The following COX7B2 variants were observed in gnomAD, a reference collection of about 807,000 sequenced individuals.
COX7B2 encodes cytochrome c oxidase subunit 7B2, also known as cytochrome c oxidase subunit 7B2, mitochondrial.
For synonymous variants in COX7B2, 37 were observed against 32.1 expected, an observed-to-expected ratio of 1.15 and a Z score of -0.51; for missense variants, 109 against 95.9, an observed-to-expected ratio of 1.14 and a Z score of -0.57.
At chr4:46,890,773 A>C (rs1253345337) in intron 1 of COX7B2, among the ~76,000 whole-genome samples, 3 of 152,222 alleles carry the variant, frequency 2.0e-5, no homozygotes, top group Non-Finnish European at 4.4e-5. Flanking sequence ...CAGTGAGGAA[A>C]GATACAGTAG....
chr4:46,805,575 G>A (rs769637056), intron 2 of COX7B2, among the ~76,000 whole-genome samples: 2 of 152,018 alleles, frequency 1.3e-5, no homozygotes, highest in African/African-American at 4.8e-5. Context: ...AAATTTATAT[G>A]GATAACAAAT....
intron 2 of COX7B2, among the ~76,000 whole-genome samples, chr4:46,750,229 C>CACACAT (rs1553879315): frequency 6.6e-6 from 1 of 151,292 alleles, no homozygotes; most frequent in East Asian, 2.0e-4. Context: ...CACACACACA[C>CACACAT]ACACACACAC....
intron 2 of COX7B2, among the ~76,000 whole-genome samples, chr4:46,835,041 A>G (rs1715413250): frequency 6.6e-6 from 1 of 152,202 alleles, no homozygotes; most frequent in South Asian, 2.1e-4. Context: ...TTCAATCATA[A>G]TAAGAGAAAT....
At chr4:46,855,827 A>G (rs1224757109) in intron 1 of COX7B2, among the ~76,000 whole-genome samples, 1 of 152,244 alleles carries the variant, frequency 6.6e-6, no homozygotes, top group Non-Finnish European at 1.5e-5. Context: ...AAAACTGTTT[A>G]CAATGAGCTT....
chr4:46,803,667 G>C (rs931286529), intron 2 of COX7B2, among the ~76,000 whole-genome samples: 1 of 148,026 alleles, frequency 6.8e-6, no homozygotes, highest in African/African-American at 2.5e-5. Flanking sequence ...TTCTCTTCAT[G>C]TTTCCAGTGC....
At chr4:46,796,310 C>CAAAAGAAGA (rs1718340116) in intron 2 of COX7B2, among the ~76,000 whole-genome samples, 1 of 147,030 alleles carries the variant, frequency 6.8e-6, no homozygotes, top group African/African-American at 2.7e-5. Flanking sequence ...CAGTTTTTGC[C>CAAAAGAAGA]CATTTATGCA....
intron 2 of COX7B2, among the ~76,000 whole-genome samples, chr4:46,773,085 G>T (rs560173829): frequency 6.6e-6 from 1 of 152,140 alleles, no homozygotes; most frequent in Admixed American, 6.5e-5. Context: ...CTGTTCTTTT[G>T]CAACACATGA....
intron 1 of COX7B2, among the ~76,000 whole-genome samples, chr4:46,855,388 T>G (rs1364954250): frequency 6.6e-6 from 1 of 152,052 alleles, no homozygotes; most frequent in Non-Finnish European, 1.5e-5. Flanking sequence ...TGTGTACTTT[T>G]CTCTCTTTAT....
intron 2 of COX7B2, among the ~76,000 whole-genome samples, chr4:46,749,282 T>C (rs1715204699): frequency 6.6e-6 from 1 of 152,130 alleles, no homozygotes; most frequent in Non-Finnish European, 1.5e-5. Flanking sequence ...AATTAAATTT[T>C]AAAATATTTT....
At position 46,804,008 on chromosome 4, in the gene COX7B2, T is replaced by C. The variant is rs372027639; in HGVS notation, c.-50+40952A>G. 1.8e-4 allele frequency among the ~76,000 whole-genome samples: 28 copies of C among 152,256 alleles called. 1 individual carries two copies. Among genetic ancestry groups the C allele is most frequent in the Admixed American group, 5.2e-4 (8 of 15,294 alleles). ...TTACAGTTCTCAAAGGCAGCATGTC[T>C]GGAGTTTGTTCCTTCTGATGTTCGG... is the stretch of plus-strand genomic sequence containing the variant. On this transcript the variant is annotated intron_variant, in intron 2 of 2. Transcript: ENST00000355591.
At chr4:46,805,668 T>C (rs1476787531) in intron 2 of COX7B2, among the ~76,000 whole-genome samples, 1 of 152,218 alleles carries the variant, frequency 6.6e-6, no homozygotes, top group Non-Finnish European at 1.5e-5. Flanking sequence ...CCTCTCCTTT[T>C]TGCCCTGTTT....
intron 2 of COX7B2, among the ~76,000 whole-genome samples, chr4:46,739,975 ATTT>A (rs1714607071): frequency 6.6e-6 from 1 of 152,042 alleles, no homozygotes; most frequent in Admixed American, 6.6e-5. Context: ...AACAATGAGA[ATTT>A]TTAATTTATT....
At chr4:46,907,242 T>C (rs1451159922) in intron 1 of COX7B2, among the ~76,000 whole-genome samples, 12 of 152,212 alleles carry the variant, frequency 7.9e-5, no homozygotes, top group Admixed American at 7.9e-4. Context: ...CTACTTGAAC[T>C]TCAAATCTCA....
chr4:46,897,196 A>C lies in COX7B2; in HGVS notation c.-105+11964T>G, dbSNP rs1719815197. On this transcript the variant is annotated intron_variant, in intron 1 of 2. Coordinates refer to ENST00000355591, the MANE Select transcript of COX7B2 (RefSeq NM_130902.3). ...TCAAGACAGGTGCAACTGTCTGGGA[A>C]TACAGGTCACTCAGGCCACAGGCTC... 2.6e-5 allele frequency among the ~76,000 whole-genome samples: 4 copies of C among 152,138 alleles called. No individual in the cohort carries two copies. In the South Asian group the frequency reaches 8.3e-4, roughly 32 times the overall value.
intron 2 of COX7B2, among the ~76,000 whole-genome samples, chr4:46,767,594 T>C (rs1716619612): frequency 1.3e-5 from 2 of 152,110 alleles, no homozygotes; most frequent in Admixed American, 1.3e-4. Context: ...TTAGATATTA[T>C]TAGGCTACAA....
intron 1 of COX7B2, among the ~76,000 whole-genome samples, chr4:46,883,079 C>T (rs1305413226): frequency 6.6e-6 from 1 of 152,144 alleles, no homozygotes; most frequent in East Asian, 1.9e-4. Context: ...CCATATTAAA[C>T]ATTTAATGAA....
rs76346453 is a variant in COX7B2, at chr4:46,808,628, G to A, written c.-50+36332C>T. On this transcript the variant is annotated intron_variant, in intron 2 of 2. Coordinates refer to ENST00000355591, the MANE Select transcript of COX7B2 (RefSeq NM_130902.3). ...ACTTGCCTTGTACCAAATCTCAATG[G>A]AAAAACTTTCAGTTTCTCCCCATTG... 1.4e-3 allele frequency among the ~76,000 whole-genome samples: 205 copies of A among 151,840 alleles called. 7 individuals carry two copies. The East Asian group carries it at 0.036, about 27-fold the overall frequency.
intron 1 of COX7B2, among the ~76,000 whole-genome samples, chr4:46,859,610 A>G (rs960514101): frequency 3.3e-5 from 5 of 152,186 alleles, no homozygotes; most frequent in African/African-American, 1.2e-4. Flanking sequence ...AATTTCAACA[A>G]TACATAACCT....
intron 2 of COX7B2, among the ~76,000 whole-genome samples, chr4:46,748,959 G>A (rs1022343031): frequency 3.9e-5 from 6 of 152,092 alleles, no homozygotes; most frequent in Non-Finnish European, 8.8e-5. Context: ...TACTTCCAGA[G>A]AAATACAGTA....
Sources: gnomAD v4.1 joint callset for allele counts (sites outside exome capture counted in the v4.1 genomes callset) on GRCh38, gnomAD v4.1.1 for gene constraint, MANE v1.5 for transcripts, NCBI Gene and HGNC (gene_info 2026-07-23, HGNC 2026-07-21) for gene names.